Variants in PPP2R2C observed in about 807,000 individuals in gnomAD.
PPP2R2C encodes the protein protein phosphatase 2, regulatory subunit B, gamma.
PPP2R2C carries 10 observed loss-of-function variants against 45.3 expected under a neutral mutation model. The observed-to-expected ratio is 0.22, with a 90% CI of 0.14 to 0.37. The LOEUF is 0.37. Among genes scored for constraint, PPP2R2C ranks in the 10% least tolerant of loss-of-function variants. The probability of loss-of-function intolerance (pLI) is 1.00; values close to 1 mark genes in which losing one functional copy is unlikely to be tolerated. For synonymous variants in PPP2R2C, 257 were observed against 245.4 expected, an observed-to-expected ratio of 1.05 and a Z score of -0.44; for missense variants, 308 against 619.7, an observed-to-expected ratio of 0.50 and a Z score of 5.34.
rs138233000 is a variant in PPP2R2C at position 6,356,906 on chromosome 4, G to A, written c.626-8896C>T. 2.1e-3 allele frequency among the ~76,000 whole-genome samples: 316 copies of A among 151,956 alleles called. 1 individual carries two copies. Among genetic ancestry groups the A allele is most frequent in the Middle Eastern group, 0.014 (4 of 288 alleles). ...GTGAGGTGCTGGGCAGGGAGGGGCT[G>A]TCAGGTGGGACCCTGGGTCCCAGCC... On this transcript the variant is annotated intron_variant, in intron 5 of 8. Transcript: ENST00000382599.
chr4:6,377,445 C>A (rs1178141624), intron 3 of PPP2R2C, among the ~76,000 whole-genome samples: 4 of 152,002 alleles, frequency 2.6e-5, no homozygotes, highest in Admixed American at 2.6e-4. Flanking sequence ...CACCCGAGGT[C>A]AGGAGTTCGA....
intron 1 of PPP2R2C, among the ~76,000 whole-genome samples, chr4:6,435,000 A>T (rs1719824747): frequency 6.6e-6 from 1 of 152,050 alleles, no homozygotes; most frequent in Non-Finnish European, 1.5e-5. Flanking sequence ...CCATATCAAT[A>T]TTTTCTCAGC....
intron 1 of PPP2R2C, among the ~76,000 whole-genome samples, chr4:6,557,351 T>C (rs1467902997): frequency 6.6e-6 from 1 of 151,004 alleles, no homozygotes; most frequent in Non-Finnish European, 1.5e-5. Flanking sequence ...ACAGATCTTA[T>C]AGTCAGGAGA....
intron 1 of PPP2R2C, among the ~76,000 whole-genome samples, chr4:6,455,938 C>G (rs1174950157): frequency 6.6e-6 from 1 of 152,178 alleles, no homozygotes; most frequent in Non-Finnish European, 1.5e-5. Flanking sequence ...ATCCCTGCCC[C>G]TCACACCGGA....
chr4:6,430,090 C>T (rs1315041989), intron 1 of PPP2R2C, among the ~76,000 whole-genome samples: 1 of 152,154 alleles, frequency 6.6e-6, no homozygotes, highest in Non-Finnish European at 1.5e-5. Context: ...ACGATCAAGG[C>T]CTTGAATTTC....
At chr4:6,410,338 C>G (rs1718080620) in intron 1 of PPP2R2C, among the ~76,000 whole-genome samples, 1 of 152,122 alleles carries the variant, frequency 6.6e-6, no homozygotes, top group South Asian at 2.1e-4. Flanking sequence ...CGGGTATGCC[C>G]TCGTCACCCA....
At chr4:6,386,196 G>C (rs1286990782) in intron 1 of PPP2R2C, among the ~76,000 whole-genome samples, 1 of 152,214 alleles carries the variant, frequency 6.6e-6, no homozygotes, top group African/African-American at 2.4e-5. Flanking sequence ...TCAGCAATTG[G>C]GAGGAACAGC....
rs1193664851 is a variant in PPP2R2C at position 6,330,072 on chromosome 4, G to C, written c.961-719C>G. ...GCTCACAGGGTCACACAGCCTCTAA[G>C]AGGCTGACCAGGACCCTTCCCCAGG... On this transcript the variant is annotated intron_variant, in intron 7 of 8. Coordinates refer to ENST00000382599, the MANE Select transcript of PPP2R2C (RefSeq NM_020416.4). The surrounding 1 kb of genome is among the most constrained non-coding windows in gnomAD (Gnocchi z 7.0). Among the ~76,000 whole-genome samples the C allele has an allele frequency of 6.6e-6, 1 of 152,116 alleles. No individual in the cohort carries two copies. The highest frequency in any genetic ancestry group is 2.4e-5 in the African/African-American group (1 of 41,424).
chr4:6,326,953 G>A (rs1475259701), intron 8 of PPP2R2C, among the ~76,000 whole-genome samples: 2 of 152,260 alleles, frequency 1.3e-5, no homozygotes, highest in Non-Finnish European at 2.9e-5. Flanking sequence ...GCTTTGGTCT[G>A]CAAGGATGTG....
In PPP2R2C at chr4:6,503,827, C is replaced by T. The variant is rs140974048; in HGVS notation, c.49+31444G>A. On this transcript the variant is annotated intron_variant, in intron 2 of 9. Coordinates refer to the PPP2R2C transcript ENST00000506140. ...AAAAAAACAAAAACTGAGAATTCTG[C>T]TTCTAGCAATGCTAAGAAATGCAAA... 6.9e-3 allele frequency among the ~76,000 whole-genome samples: 1,047 copies of T among 151,514 alleles called. 52 individuals carry two copies. The highest frequency in any genetic ancestry group is 0.065 in the Admixed American group (992 of 15,216).
intron 1 of PPP2R2C, among the ~76,000 whole-genome samples, chr4:6,551,687 C>A (rs1370629055): frequency 2.6e-5 from 4 of 152,256 alleles, no homozygotes; most frequent in Non-Finnish European, 5.9e-5. Flanking sequence ...GCTGGACAAG[C>A]CACATGTCAG....
Position 6,563,491 on chromosome 4 carries a change from G to T in PPP2R2C, c.-59+69C>A. On this transcript the variant is annotated intron_variant, in intron 1 of 9. Coordinates refer to the PPP2R2C transcript ENST00000506140. This position sits in a 1 kb window ranked among gnomAD's most constrained non-coding sequence, Gnocchi z 5.8. ...GCAGGGTGAGGTCCTGCGGGGCTGG[G>T]GGTGAGGCGGGGTGGGCGCGAGGCG... 1 of 153,018 alleles carries T rather than the reference G, an allele frequency of 6.5e-6. No homozygotes were observed. Among genetic ancestry groups the T allele is most frequent in the Non-Finnish European group, 1.5e-5 (1 of 68,074 alleles). 9.5% of individuals were successfully genotyped at this position (153,018 alleles called of 1,614,324 possible).
At chr4:6,444,628 C>T (rs1720322932) in intron 1 of PPP2R2C, among the ~76,000 whole-genome samples, 1 of 152,222 alleles carries the variant, frequency 6.6e-6, no homozygotes, top group Admixed American at 6.5e-5. Context: ...TGCACTTCAG[C>T]AGGTCCTAAG....
chr4:6,563,376 C>A lies in PPP2R2C; in HGVS notation c.-59+184G>T, dbSNP rs1725647372. Among the ~76,000 whole-genome samples the A allele has an allele frequency of 6.6e-6, 1 of 152,206 alleles. No individual in the cohort carries two copies. Among genetic ancestry groups the A allele is most frequent in the Non-Finnish European group, 1.5e-5 (1 of 68,022 alleles). ...CCCCAGGACCGCCCCGGGGTCGGTG[C>A]CCGGGCTCTCTGAGTCTCGCTTCTG... On this transcript the variant is annotated intron_variant, in intron 1 of 9. Coordinates refer to the PPP2R2C transcript ENST00000506140. The surrounding 1 kb of genome is among the most constrained non-coding windows in gnomAD (Gnocchi z 5.8).
intron 6 of PPP2R2C, among the ~76,000 whole-genome samples, chr4:6,346,413 T>C (rs1175183753): frequency 6.6e-6 from 1 of 152,064 alleles, no homozygotes; most frequent in East Asian, 1.9e-4. Flanking sequence ...TCCACTGTGG[T>C]CTCTTCAGGG....
chr4:6,360,099 A>G (rs1713590800), intron 5 of PPP2R2C, among the ~76,000 whole-genome samples: 1 of 152,196 alleles, frequency 6.6e-6, no homozygotes, highest in Non-Finnish European at 1.5e-5. Flanking sequence ...CCTAGCACAG[A>G]CCAGTCAAAT....
At chr4:6,520,122 G>T (rs1723966735) in intron 2 of PPP2R2C, among the ~76,000 whole-genome samples, 1 of 152,138 alleles carries the variant, frequency 6.6e-6, no homozygotes, top group Non-Finnish European at 1.5e-5. Context: ...TAGACCAATG[G>T]CTCTGGCTAC....
At chr4:6,553,473 C>T (rs999665949) in intron 1 of PPP2R2C, among the ~76,000 whole-genome samples, 11 of 152,364 alleles carry the variant, frequency 7.2e-5, no homozygotes, top group Admixed American at 2.6e-4. Context: ...CCACCAGCAA[C>T]GGTATCATTG....
chr4:6,499,436 A>G (rs919517675), intron 2 of PPP2R2C, among the ~76,000 whole-genome samples: 10 of 151,912 alleles, frequency 6.6e-5, no homozygotes, highest in African/African-American at 2.4e-4. Context: ...ACACAGTCCT[A>G]CCTCTGGACC....
Sources: gnomAD v4.1 joint callset for allele counts (sites outside exome capture counted in the v4.1 genomes callset) on GRCh38, gnomAD v4.1.1 for gene constraint, Gnocchi (gnomAD v3.1) non-coding constraint, MANE v1.5 for transcripts, NCBI Gene and HGNC (gene_info 2026-07-23, HGNC 2026-07-21) for gene names.